CPPED1: variants seen among roughly 807,000 people sequenced by gnomAD.
CPPED1 encodes the protein serine/threonine-protein phosphatase CPPED1.
A neutral mutation model predicts 28.0 loss-of-function variants in CPPED1; 28 were observed. The ratio of observed to expected loss-of-function variants is 1.00; its 90% CI spans 0.74 to 1.37. The LOEUF (loss-of-function observed/expected upper bound fraction) is 1.37. CPPED1 is among the 40% of genes most tolerant of loss of function. The pLI, the probability that CPPED1 is intolerant of heterozygous loss-of-function variation, is 0.00. For missense variants in CPPED1, 504 were observed against 416.5 expected, an observed-to-expected ratio of 1.21 and a Z score of -1.83; for synonymous variants, 198 against 180.2, an observed-to-expected ratio of 1.10 and a Z score of -0.79.
At chr16:12,763,695 G>C (rs2080422954) in intron 2 of CPPED1, among the ~76,000 whole-genome samples, 1 of 152,116 alleles carries the variant, frequency 6.6e-6, no homozygotes, top group South Asian at 2.1e-4. Flanking sequence ...GGAAACAAGA[G>C]AGCCAGGATC....
intron 2 of CPPED1, among the ~76,000 whole-genome samples, chr16:12,733,228 G>C (rs552285842): frequency 1.3e-5 from 2 of 151,296 alleles, no homozygotes; most frequent in Non-Finnish European, 2.9e-5. Context: ...CATATGTACA[G>C]GCAAGATATT....
intron 2 of CPPED1, among the ~76,000 whole-genome samples, chr16:12,722,513 G>A (rs139741830): frequency 1.3e-5 from 2 of 152,120 alleles, no homozygotes; most frequent in African/African-American, 4.8e-5. Context: ...CAAGGAAAGC[G>A]GATCGCTGGA....
chr16:12,711,660 A>G (rs1314828997), intron 2 of CPPED1, among the ~76,000 whole-genome samples: 2 of 152,022 alleles, frequency 1.3e-5, no homozygotes, highest in Non-Finnish European at 1.5e-5. Flanking sequence ...TTCTAATAGG[A>G]GCCCCCATGA....
intron 3 of CPPED1, among the ~76,000 whole-genome samples, chr16:12,691,903 T>G (rs2079965528): frequency 6.6e-6 from 1 of 151,472 alleles, no homozygotes; most frequent in South Asian, 2.1e-4. Flanking sequence ...ACATGGCACA[T>G]GTATACGTAT....
At chr16:12,759,909 C>A (rs1009562863) in intron 2 of CPPED1, among the ~76,000 whole-genome samples, 1 of 152,166 alleles carries the variant, frequency 6.6e-6, no homozygotes, top group African/African-American at 2.4e-5. Context: ...AATACTGGGG[C>A]AAACTCTCCA....
intron 2 of CPPED1, among the ~76,000 whole-genome samples, chr16:12,723,316 G>C (rs1049060457): frequency 1.3e-5 from 2 of 152,288 alleles, no homozygotes; most frequent in Middle Eastern, 3.4e-3. Flanking sequence ...GCCTGTTCTG[G>C]ATGAACTATG....
chr16:12,697,668 T>G (rs1381749655), intron 3 of CPPED1, among the ~76,000 whole-genome samples: 1 of 152,186 alleles, frequency 6.6e-6, no homozygotes, highest in Non-Finnish European at 1.5e-5. Context: ...ATTGGAACAC[T>G]GCACTGTCTG....
At chr16:12,796,601 A>G (rs748443256) in intron 1 of CPPED1, among the ~76,000 whole-genome samples, 5 of 152,224 alleles carry the variant, frequency 3.3e-5, no homozygotes, top group Non-Finnish European at 7.3e-5. Context: ...ATATGGAGAA[A>G]CTGGAACCCA....
chr16:12,726,400 T>C (rs1348963673), intron 2 of CPPED1, among the ~76,000 whole-genome samples: 2 of 137,446 alleles, frequency 1.5e-5, no homozygotes, highest in African/African-American at 5.5e-5. Flanking sequence ...TGGAGTGCAG[T>C]GGGGTGATCT....
chr16:12,781,627 C>T (rs554164127), intron 1 of CPPED1, among the ~76,000 whole-genome samples: 12 of 152,228 alleles, frequency 7.9e-5, no homozygotes, highest in South Asian at 4.1e-4. Flanking sequence ...GAACTGTCCA[C>T]GTGGGCTTCT....
At chr16:12,778,366 C>G (rs952525864) in intron 2 of CPPED1, among the ~76,000 whole-genome samples, 1 of 151,044 alleles carries the variant, frequency 6.6e-6, no homozygotes, top group Non-Finnish European at 1.5e-5. Context: ...ACCTCCACCT[C>G]CTGGGTTCAA....
intron 2 of CPPED1, among the ~76,000 whole-genome samples, chr16:12,718,892 G>A (rs375094142): frequency 4.9e-4 from 74 of 152,276 alleles, no homozygotes; most frequent in East Asian, 2.1e-3. Context: ...GAACCCAGGA[G>A]GGGTAGGTTG....
At chr16:12,728,955 C>G (rs879280179) in intron 2 of CPPED1, among the ~76,000 whole-genome samples, 4 of 152,162 alleles carry the variant, frequency 2.6e-5, no homozygotes, top group Non-Finnish European at 5.9e-5. Flanking sequence ...GTGAATGGGA[C>G]CCCCTGTCTG....
At chr16:12,745,849 AT>A (rs1567293602) in intron 2 of CPPED1, 1 of 152,216 alleles carries the variant, frequency 6.6e-6, no homozygotes, top group Non-Finnish European at 1.5e-5. Context: ...TAAACCTAAA[AT>A]AAAGATGAAA....
chr16:12,673,259 TG>T (rs1414138175), intron 3 of CPPED1, among the ~76,000 whole-genome samples: 1 of 152,152 alleles, frequency 6.6e-6, no homozygotes, highest in Non-Finnish European at 1.5e-5. Flanking sequence ...GTGGCTCTCC[TG>T]GGGTTTCACA....
chr16:12,723,959 C>T (rs1177642437), intron 2 of CPPED1, among the ~76,000 whole-genome samples: 1 of 152,148 alleles, frequency 6.6e-6, no homozygotes, highest in East Asian at 1.9e-4. Flanking sequence ...CCCTCATACC[C>T]AGCCACCACC....
chr16:12,695,976 A>G (rs919018649), intron 3 of CPPED1, among the ~76,000 whole-genome samples: 1 of 152,154 alleles, frequency 6.6e-6, no homozygotes, highest in Non-Finnish European at 1.5e-5. Flanking sequence ...TTCTGTAAGA[A>G]TTTTTCATCT....
chr16:12,705,767 A>G (rs545660805), intron 2 of CPPED1, among the ~76,000 whole-genome samples: 16 of 152,230 alleles, frequency 1.1e-4, no homozygotes, highest in Non-Finnish European at 2.4e-4. Flanking sequence ...TTAGCCTCCC[A>G]AAGTGTTGGG....
At chr16:12,770,677 C>T (rs12922155) in intron 2 of CPPED1, among the ~76,000 whole-genome samples, 33,374 of 151,752 alleles carry the variant, frequency 0.22, 4,156 homozygotes, top group East Asian at 0.3. Flanking sequence ...AAAAATCAGC[C>T]GGTGTGGTGG....
Sources: gnomAD v4.1 joint callset for allele counts (sites outside exome capture counted in the v4.1 genomes callset) on GRCh38, gnomAD v4.1.1 for gene constraint, MANE v1.5 for transcripts, NCBI Gene and HGNC (gene_info 2026-07-23, HGNC 2026-07-21) for gene names.